FSHR: variants seen among roughly 807,000 people sequenced by gnomAD.
FSHR encodes the protein follicle-stimulating hormone receptor.
Under a neutral mutation model 52.1 loss-of-function variants are expected in FSHR, and 46 were observed. The observed-to-expected ratio is 0.88, with a 90% CI of 0.70 to 1.13. FSHR has a LOEUF of 1.13. Ranked by LOEUF, FSHR falls within the 50% of genes most tolerant of loss-of-function variation. The probability of loss-of-function intolerance (pLI) is 0.00; values close to 1 mark genes in which losing one functional copy is unlikely to be tolerated. For synonymous variants in FSHR, 399 were observed against 309.6 expected, an observed-to-expected ratio of 1.29 and a Z score of -3.03; for missense variants, 964 against 834.6, an observed-to-expected ratio of 1.16 and a Z score of -1.91.
chr2:49,045,706 C>T (rs1038358772), intron 2 of FSHR, among the ~76,000 whole-genome samples: 1 of 152,180 alleles, frequency 6.6e-6, no homozygotes, highest in Non-Finnish European at 1.5e-5. Flanking sequence ...AAAAGGCCAG[C>T]TTTGCACTTG....
intron 1 of FSHR, among the ~76,000 whole-genome samples, chr2:49,140,618 T>A (rs1241893381): frequency 2.6e-5 from 4 of 151,908 alleles, no homozygotes; most frequent in Admixed American, 2.6e-4. Context: ...GAGAATCACT[T>A]GAACCCAAGA....
intron 2 of FSHR, among the ~76,000 whole-genome samples, chr2:49,028,111 A>C (rs958899244): frequency 2.0e-5 from 3 of 152,076 alleles, no homozygotes; most frequent in Admixed American, 2.0e-4. Context: ...AAAAAAAGTG[A>C]GGTGCGAGGT....
At chr2:49,014,557 T>C in intron 4 of FSHR, 1 of 189,018 alleles carries the variant, frequency 5.3e-6, no homozygotes, top group South Asian at 9.8e-5. Context: ...TCCCCTGCCC[T>C]CATCTCCTAA....
chr2:49,086,326 A>G (rs1670391512), intron 1 of FSHR, among the ~76,000 whole-genome samples: 1 of 152,194 alleles, frequency 6.6e-6, no homozygotes, highest in Admixed American at 6.5e-5. Context: ...TCAAGACAGA[A>G]AAGATGTAGC....
chr2:49,053,950 G>C (rs1668961818), intron 2 of FSHR, among the ~76,000 whole-genome samples: 1 of 152,144 alleles, frequency 6.6e-6, no homozygotes, highest in Non-Finnish European at 1.5e-5. Context: ...AGGGAGATTA[G>C]TATTAGAGAA....
intron 4 of FSHR, among the ~76,000 whole-genome samples, chr2:49,016,491 C>G (rs1038829554): frequency 2.6e-5 from 4 of 152,154 alleles, no homozygotes; most frequent in African/African-American, 7.2e-5. Context: ...AACAAGCCTA[C>G]TATGCTACCC....
chr2:49,093,185 T>C (rs6736924), intron 1 of FSHR, among the ~76,000 whole-genome samples: 36,036 of 152,174 alleles, frequency 0.24, 4,329 homozygotes, highest in Middle Eastern at 0.32. Flanking sequence ...CTTTGTAACA[T>C]GAACTGGGAA....
At chr2:49,141,663 G>A (rs1331535552) in intron 1 of FSHR, among the ~76,000 whole-genome samples, 1 of 152,138 alleles carries the variant, frequency 6.6e-6, no homozygotes, top group Non-Finnish European at 1.5e-5. Flanking sequence ...CTGGGTACAG[G>A]AGAAGAGTGC....
intron 8 of FSHR, among the ~76,000 whole-genome samples, chr2:48,980,216 C>T (rs183075262): frequency 5.4e-4 from 82 of 152,318 alleles, no homozygotes; most frequent in Admixed American, 2.5e-3. Context: ...CAGGATCCTG[C>T]ACTGAGATGG....
intron 1 of FSHR, among the ~76,000 whole-genome samples, chr2:49,128,514 T>C (rs1292315437): frequency 1.3e-5 from 2 of 151,880 alleles, no homozygotes; most frequent in Non-Finnish European, 2.9e-5. Context: ...TGCTAACACC[T>C]ACAAAGCTGA....
chr2:48,985,997 G>A (rs1226443562), intron 6 of FSHR, among the ~76,000 whole-genome samples: 5 of 152,168 alleles, frequency 3.3e-5, no homozygotes, highest in Admixed American at 1.3e-4. Context: ...ACAGGCGTGA[G>A]CCACCGCGCC....
In FSHR at chr2:48,962,724, C is replaced by G. The variant is rs535198511; in HGVS notation, c.*9G>C. 6.2e-7 allele frequency: 1 copy of G among 1,611,828 alleles called. No individual in the cohort carries two copies. The highest frequency in any genetic ancestry group is 1.3e-5 in the African/African-American group (1 of 74,960). ...CATTCAATACTCAGATACATTTTCA[C>G]ATTGTGTTTTAGTTTTGGGCTAAAT... On this transcript the variant is annotated 3_prime_UTR_variant, in exon 10 of 10. Coordinates refer to ENST00000406846, the MANE Select transcript of FSHR (RefSeq NM_000145.4).
chr2:49,078,299 C>T (rs1452533564), intron 1 of FSHR, among the ~76,000 whole-genome samples: 6 of 152,134 alleles, frequency 3.9e-5, no homozygotes, highest in East Asian at 1.9e-4. Flanking sequence ...CATCCGATCT[C>T]GTGAGACTTA....
At chr2:49,105,477 G>C (rs1671189189) in intron 1 of FSHR, among the ~76,000 whole-genome samples, 1 of 151,864 alleles carries the variant, frequency 6.6e-6, no homozygotes, top group African/African-American at 2.4e-5. Flanking sequence ...CTCCCCTTTT[G>C]TGCTTAAAAA....
At position 48,962,525 on chromosome 2, in the gene FSHR, T is replaced by C; in HGVS notation, c.*208A>G. 1.7e-6 allele frequency: 1 copy of C among 589,326 alleles called. No homozygotes were observed. The highest frequency in any genetic ancestry group is 3.0e-6 in the Non-Finnish European group (1 of 333,228). 36.5% of individuals were successfully genotyped at this position (589,326 alleles called of 1,614,324 possible). A position where few individuals can be genotyped will look rare whatever the true frequency, so the allele number is the denominator to read the frequency against. ...ATAAAATATGTAATACAGTATTGCA[T>C]TCTTTAATTATTATTGTTGTTACTA... On this transcript the variant is annotated 3_prime_UTR_variant, in exon 10 of 10. Transcript: ENST00000406846.
chr2:49,152,308 CCATA>C (rs1459699930), intron 1 of FSHR, among the ~76,000 whole-genome samples: 1 of 152,144 alleles, frequency 6.6e-6, no homozygotes, highest in Non-Finnish European at 1.5e-5. Flanking sequence ...CAGTCTCTTT[CCATA>C]CTATCTCAAC....
At chr2:49,036,519 A>T (rs1038241065) in intron 2 of FSHR, among the ~76,000 whole-genome samples, 2 of 152,004 alleles carry the variant, frequency 1.3e-5, no homozygotes, top group African/African-American at 2.4e-5. Flanking sequence ...CTATATCTAT[A>T]TCTATATATA....
chr2:49,147,144 T>G (rs1672900556), intron 1 of FSHR, among the ~76,000 whole-genome samples: 2 of 152,030 alleles, frequency 1.3e-5, no homozygotes, highest in Non-Finnish European at 2.9e-5. Context: ...AATGGCATGT[T>G]CAGGTCAGAG....
intron 4 of FSHR, among the ~76,000 whole-genome samples, chr2:49,011,434 G>A (rs572313041): frequency 2.7e-4 from 41 of 152,222 alleles, no homozygotes; most frequent in African/African-American, 9.4e-4. Context: ...TTGTTGAGGA[G>A]AGCTTGACTT....
Sources: allele counts gnomAD v4.1 joint callset (sites outside exome capture counted in the v4.1 genomes callset), GRCh38; gene constraint gnomAD v4.1.1; transcripts MANE v1.5; gene names NCBI Gene and HGNC (gene_info 2026-07-23, HGNC 2026-07-21).